The following ANG variants were observed in gnomAD, a reference collection of about 807,000 sequenced individuals.
ANG encodes angiogenin.
For synonymous variants in ANG, 74 were observed against 73.8 expected, an observed-to-expected ratio of 1.00 and a Z score of -0.02; for missense variants, 178 against 187.4, an observed-to-expected ratio of 0.95 and a Z score of 0.29.
In ANG at chr14:20,693,543, G is replaced by A. The variant is rs373669465; in HGVS notation, c.-18-4G>A. 72 of 1,610,188 alleles carry A rather than the reference G, an allele frequency of 4.5e-5. No homozygotes were observed. The highest frequency in any genetic ancestry group is 8.9e-5 in the East Asian group (4 of 44,894). On this transcript the variant is annotated splice_region_variant and splice_polypyrimidine_tract_variant and intron_variant, in intron 1 of 1. Coordinates refer to ENST00000397990, the MANE Select transcript of ANG (RefSeq NM_001097577.3). ...TCTACCACACCTCCTTTTGCCCTCCGCAGGAGCCTGTGTTGGAAGAGATGG... is the reference window on the plus strand; with the variant it reads ...TCTACCACACCTCCTTTTGCCCTCCACAGGAGCCTGTGTTGGAAGAGATGG...
chr14:20,690,543 C>T (rs965535623), intron 1 of ANG, among the ~76,000 whole-genome samples: 3 of 152,074 alleles, frequency 2.0e-5, no homozygotes, highest in Non-Finnish European at 2.9e-5. Context: ...TTTTGGTGTA[C>T]GCTTGCTGAG....
chr14:20,693,772 A>G lies in ANG; in HGVS notation c.208A>G (p.Ile70Val), dbSNP rs121909541. Residue 70 changes from isoleucine to valine, a missense_variant, in exon 2 of 2, where the codon ATT (isoleucine) becomes GTT (valine). Transcript: ENST00000397990. ...TSPCKDINTF[I>V]HGNKRSIKAI... The stretch of plus-strand genomic sequence containing the variant: ...ACCCTGCAAAGACATCAACACATTT[A>G]TTCATGGCAACAAGCGCAGCATCAA... The G allele has an allele frequency of 6.9e-4, 1,115 of 1,614,232 alleles. No individual in the cohort carries two copies. The highest frequency in any genetic ancestry group is 7.5e-4 in the Non-Finnish European group (880 of 1,180,040).
upstream of ANG, among the ~76,000 whole-genome samples, chr14:20,686,016 G>A (rs1398218531): frequency 6.7e-6 from 1 of 149,670 alleles, no homozygotes; most frequent in African/African-American, 2.5e-5. Flanking sequence ...CTCTAGCCTG[G>A]GTGACAGAGC....
At chr14:20,692,856 A>AT (rs895972704) in intron 1 of ANG, among the ~76,000 whole-genome samples, 87 of 151,284 alleles carry the variant, frequency 5.8e-4, no homozygotes, top group African/African-American at 2.1e-3. Flanking sequence ...TTTTGTTTTT[A>AT]TTTTTTTCCG....
At chr14:20,693,033 G>C (rs1886867624) in intron 1 of ANG, among the ~76,000 whole-genome samples, 1 of 151,572 alleles carries the variant, frequency 6.6e-6, no homozygotes, top group South Asian at 2.1e-4. Context: ...ATTTTTAGTA[G>C]AGACGGGGTT....
chr14:20,688,596 T>A (rs904097334), upstream of ANG: 1 of 772,518 alleles, frequency 1.3e-6, no homozygotes, highest in Non-Finnish European at 1.6e-6. Flanking sequence ...AAACTTTGTC[T>A]TCCAGAACAA....
Position 20,693,737 on chromosome 14 carries a change from G to C in ANG, c.173G>C (p.Gly58Ala). The C allele has an allele frequency of 6.2e-7, 1 of 1,614,202 alleles. No individual in the cohort carries two copies. Among genetic ancestry groups the C allele is most frequent in the Non-Finnish European group, 8.5e-7 (1 of 1,180,036 alleles). Reference protein sequence around the residue: ...RYCESIMRRRGLTSPCKDINT... With the variant: ...RYCESIMRRRALTSPCKDINT... ...TGTGAAAGCATCATGAGGAGACGGG[G>C]CCTGACCTCACCCTGCAAAGACATC... Residue 58 changes from glycine to alanine, a missense_variant, in exon 2 of 2, where the codon GGC becomes GCC. Coordinates refer to ENST00000397990, the MANE Select transcript of ANG (RefSeq NM_001097577.3).
At chr14:20,692,359 A>G (rs1217742756) in intron 1 of ANG, among the ~76,000 whole-genome samples, 2 of 152,178 alleles carry the variant, frequency 1.3e-5, no homozygotes, top group Admixed American at 1.3e-4. Context: ...ACTGCTTTCA[A>G]CTGCTTTCTT....
chr14:20,688,678 G>A (rs117684010), upstream of ANG: 28,152 of 984,876 alleles, frequency 0.029, 471 homozygotes, highest in South Asian at 0.043. Context: ...GACCCTCCTC[G>A]TTTGTTCAAG....
intron 1 of ANG, among the ~76,000 whole-genome samples, chr14:20,690,985 A>G (rs760038320): frequency 3.3e-5 from 5 of 152,320 alleles, no homozygotes; most frequent in Non-Finnish European, 7.3e-5. Flanking sequence ...CCTTATGGGT[A>G]GATTCTGAAC....
chr14:20,691,961 T>A (rs1270442797), intron 1 of ANG, among the ~76,000 whole-genome samples: 1 of 152,178 alleles, frequency 6.6e-6, no homozygotes, highest in Non-Finnish European at 1.5e-5. Flanking sequence ...GGCCTTTTTT[T>A]AAGCTCAGAC....
At chr14:20,690,314 C>T (rs928401199) in intron 1 of ANG, among the ~76,000 whole-genome samples, 2 of 148,618 alleles carry the variant, frequency 1.3e-5, no homozygotes, top group African/African-American at 5.0e-5. Context: ...AGCTGACAGA[C>T]AGTTACGTGT....
In ANG at chr14:20,694,141, T is replaced by A. The variant is rs1419187177; in HGVS notation, c.*133T>A. ...GCTACCTGGACCTTTTGTTTTCTGT[T>A]TGACAACATGTTTAATAAATAAAAA... On this transcript the variant is annotated 3_prime_UTR_variant, in exon 2 of 2. Coordinates refer to ENST00000397990, the MANE Select transcript of ANG (RefSeq NM_001097577.3). 1.1e-6 allele frequency: 1 copy of A among 941,900 alleles called. No homozygotes were observed. Among genetic ancestry groups the A allele is most frequent in the Non-Finnish European group, 1.7e-6 (1 of 587,602 alleles). The allele number at this position is 941,900 out of a possible 1,614,324, so 58.3% of individuals were successfully genotyped here. A position where few individuals can be genotyped will look rare whatever the true frequency, so the allele number is the denominator to read the frequency against.
chr14:20,693,895 T>C lies in ANG; in HGVS notation c.331T>C (p.Ser111Pro), dbSNP rs1594210509. 6.2e-7 allele frequency: 1 copy of C among 1,614,074 alleles called. No homozygotes were observed. Among genetic ancestry groups the C allele is most frequent in the Non-Finnish European group, 8.5e-7 (1 of 1,179,994 alleles). The change falls in exon 2 of 2, where the codon TCC becomes CCC. Residue 111 changes from serine to proline, a missense_variant. Coordinates refer to ENST00000397990, the MANE Select transcript of ANG (RefSeq NM_001097577.3). ...QVTTCKLHGGSPWPPCQYRAT... is the reference protein window; with the variant it reads ...QVTTCKLHGGPPWPPCQYRAT... ...CACCACTTGCAAGCTACATGGAGGTTCCCCCTGGCCTCCATGCCAGTACCG... is the reference window on the plus strand; with the variant it reads ...CACCACTTGCAAGCTACATGGAGGTCCCCCCTGGCCTCCATGCCAGTACCG...
chr14:20,687,682 C>G (rs773188587), upstream of ANG, among the ~76,000 whole-genome samples: 2 of 152,214 alleles, frequency 1.3e-5, no homozygotes, highest in African/African-American at 2.4e-5. Flanking sequence ...ATGCCTACCT[C>G]ACACAGTCCT....
chr14:20,689,329 A>T (rs1369504514), intron 1 of ANG, among the ~76,000 whole-genome samples: 1 of 152,234 alleles, frequency 6.6e-6, no homozygotes, highest in East Asian at 1.9e-4. Context: ...AGATCAAAAG[A>T]AGGCTCACTG....
At chr14:20,685,629 A>C (rs1010461), upstream of ANG, among the ~76,000 whole-genome samples, 65,624 of 152,064 alleles carry the variant, frequency 0.43, 14,207 homozygotes, top group Middle Eastern at 0.52. Context: ...GATGACAAGC[A>C]GAGTAAAATA....
intron 1 of ANG, among the ~76,000 whole-genome samples, chr14:20,689,507 G>A (rs1210593397): frequency 6.6e-6 from 1 of 152,178 alleles, no homozygotes; most frequent in Non-Finnish European, 1.5e-5. Flanking sequence ...TTAACTCCCT[G>A]GTGTGTAAAA....
At chr14:20,685,033 G>C (rs1886358141), upstream of ANG, among the ~76,000 whole-genome samples, 1 of 152,158 alleles carries the variant, frequency 6.6e-6, no homozygotes, top group Admixed American at 6.5e-5. Context: ...CAGAATCGCC[G>C]AACCTAAGGG....
Sources: allele counts gnomAD v4.1 joint callset (sites outside exome capture counted in the v4.1 genomes callset), GRCh38; gene constraint gnomAD v4.1.1; transcripts MANE v1.5; gene names NCBI Gene and HGNC (gene_info 2026-07-23, HGNC 2026-07-21).